HEG1: variants seen among roughly 807,000 people sequenced by gnomAD.
HEG1 encodes the protein heart development protein with EGF like domains 1, also known as protein HEG homolog 1.
A neutral mutation model predicts 125.6 loss-of-function variants in HEG1; 56 were observed. The observed-to-expected ratio is 0.45, with a 90% CI of 0.36 to 0.56. The LOEUF (loss-of-function observed/expected upper bound fraction) is 0.56, where lower values mean the gene tolerates loss of function less well. Among genes scored for constraint, HEG1 ranks in the 20% least tolerant of loss-of-function variants. The pLI, the probability that HEG1 is intolerant of heterozygous loss-of-function variation, is 0.00. For synonymous variants in HEG1, 644 were observed against 668.5 expected, an observed-to-expected ratio of 0.96 and a Z score of 0.57; for missense variants, 1,523 against 1,670.0, an observed-to-expected ratio of 0.91 and a Z score of 1.53.
At chr3:124,988,507 G>T (rs1936779692) in intron 14 of HEG1, among the ~76,000 whole-genome samples, 1 of 152,138 alleles carries the variant, frequency 6.6e-6, no homozygotes, top group Admixed American at 6.5e-5. Flanking sequence ...GATGACTGGG[G>T]TCCATTGGAG....
intron 8 of HEG1, among the ~76,000 whole-genome samples, chr3:125,007,629 C>T (rs2107698576): frequency 6.6e-6 from 1 of 152,280 alleles, no homozygotes; most frequent in Non-Finnish European, 1.5e-5. Context: ...AAATATATTA[C>T]TTTACTTGAT....
chr3:125,055,595 G>T lies in HEG1; in HGVS notation c.296C>A (p.Ala99Asp), dbSNP rs895774702. 14 of 1,205,780 alleles carry T rather than the reference G, an allele frequency of 1.2e-5. No individual in the cohort carries two copies. In the East Asian group the frequency reaches 4.7e-4, roughly 41 times the overall value. The allele number at this position is 1,205,780 out of a possible 1,614,324, so 74.7% of individuals were successfully genotyped here. Residue 99 changes from alanine (A) to aspartate (D), a missense_variant, in exon 1 of 17, where the codon GCC (alanine) becomes GAC (aspartate). By Grantham distance (126) the Ala-to-Asp change is moderately radical. Transcript: ENST00000311127. ...AATQRGPSGR[A>D]PRGGSADAAW... Reference sequence around the variant, plus strand: ...CTCACCCGCGCTCCCGCCTCTGGGGGCCCGGCCGGAGGGTCCCCGCTGTGT... The same window carrying T: ...CTCACCCGCGCTCCCGCCTCTGGGGTCCCGGCCGGAGGGTCCCCGCTGTGT...
chr3:125,017,758 T>A (rs1937272700), intron 5 of HEG1, among the ~76,000 whole-genome samples: 2 of 151,748 alleles, frequency 1.3e-5, no homozygotes, highest in African/African-American at 4.8e-5. Flanking sequence ...TGGTGGCTCA[T>A]GCCTGCAATC....
intron 9 of HEG1, 88 bp downstream of exon 9, chr3:125,005,177 C>G: frequency 1.3e-6 from 1 of 760,992 alleles, no homozygotes; most frequent in Non-Finnish European, 2.2e-6. Flanking sequence ...CCAGGAGACA[C>G]AGCTGACCGC....
intron 12 of HEG1, among the ~76,000 whole-genome samples, chr3:124,991,446 T>C (rs960430856): frequency 4.6e-5 from 7 of 152,226 alleles, no homozygotes; most frequent in African/African-American, 1.2e-4. Context: ...TCGCCATGCC[T>C]AGCCTCAAAT....
chr3:125,028,177 G>A (rs1025861193), intron 2 of HEG1, among the ~76,000 whole-genome samples: 1 of 152,116 alleles, frequency 6.6e-6, no homozygotes, highest in Non-Finnish European at 1.5e-5. Context: ...TTGACTCCAG[G>A]TTCCCTCCAT....
At chr3:124,982,995 A>G (rs770633500) in intron 14 of HEG1, among the ~76,000 whole-genome samples, 3 of 152,208 alleles carry the variant, frequency 2.0e-5, no homozygotes, top group Non-Finnish European at 4.4e-5. Flanking sequence ...ATACAGATAC[A>G]TGGCAAAGAG....
Position 125,055,893 on chromosome 3 carries a change from T to C in HEG1, c.-3A>G. ...CGCGAGGCGCGCGGCGAGGCCATGG[T>C]GACGGCGCCCGCCCGCGCTCACATG... On this transcript the variant is annotated 5_prime_UTR_variant, in exon 1 of 17. Transcript: ENST00000311127. 1 of 978,616 alleles carries C rather than the reference T, an allele frequency of 1.0e-6. No homozygotes were observed. The highest frequency in any genetic ancestry group is 1.2e-6 in the Non-Finnish European group (1 of 827,362). 60.6% of individuals were successfully genotyped at this position (978,616 alleles called of 1,614,324 possible). A position where few individuals can be genotyped will look rare whatever the true frequency, so the allele number is the denominator to read the frequency against.
chr3:124,970,783 G>T lies in HEG1; in HGVS notation c.4015C>A (p.Pro1339Thr), dbSNP rs767415348. Residue 1339 changes from proline (P) to threonine (T), a missense_variant, in exon 17 of 17, where the codon CCA (proline) becomes ACA (threonine). Coordinates refer to ENST00000311127, the MANE Select transcript of HEG1 (RefSeq NM_020733.2). ...TAGAGTCCGTTTCGTTCAAGTTCTG[G>T]ATTCCTTACACTTGTAGGCTGGTTG... ...VYYSPTSVRN[P>T]ELERNGLYPA... is the part of the protein sequence containing the mutation. 3.7e-6 allele frequency: 6 copies of T among 1,609,884 alleles called. No homozygotes were observed. In the East Asian group the frequency reaches 1.3e-4, roughly 36 times the overall value.
At chr3:124,972,616 T>C (rs1161614680) in intron 16 of HEG1, among the ~76,000 whole-genome samples, 1 of 152,164 alleles carries the variant, frequency 6.6e-6, no homozygotes, top group Non-Finnish European at 1.5e-5. Context: ...CTAACACCAT[T>C]AAGTCCCCAT....
chr3:125,009,515 C>A (rs1937119685), intron 8 of HEG1, 190 bp downstream of exon 8: 2 of 451,700 alleles, frequency 4.4e-6, no homozygotes, highest in Non-Finnish European at 3.9e-6. Context: ...ACATCAAAAA[C>A]ATAATGCAAA....
At chr3:125,035,574 T>C (rs930972732) in intron 1 of HEG1, among the ~76,000 whole-genome samples, 1 of 152,160 alleles carries the variant, frequency 6.6e-6, no homozygotes, top group African/African-American at 2.4e-5. Flanking sequence ...GAGAAACATC[T>C]TCAGACTATC....
At position 124,966,320 on chromosome 3, in the gene HEG1, G is replaced by C. The variant is rs1405144384; in HGVS notation, c.*4332C>G. 6.6e-6 allele frequency: 1 copy of C among 152,178 alleles called. No individual in the cohort carries two copies. The highest frequency in any genetic ancestry group is 1.5e-5 in the Non-Finnish European group (1 of 68,030). 9.4% of individuals were successfully genotyped at this position (152,178 alleles called of 1,614,324 possible). A position where few individuals can be genotyped will look rare whatever the true frequency, so the allele number is the denominator to read the frequency against. ...CCTTTGGTTTCATAGGGTTTTCTGT[G>C]AGCAGTTTACACCAGATATGATGGA... is the stretch of plus-strand genomic sequence containing the variant. On this transcript the variant is annotated 3_prime_UTR_variant, in exon 17 of 17. Coordinates refer to ENST00000311127, the MANE Select transcript of HEG1 (RefSeq NM_020733.2).
intron 14 of HEG1, among the ~76,000 whole-genome samples, chr3:124,981,941 C>T (rs1282447967): frequency 5.3e-5 from 8 of 151,624 alleles, no homozygotes; most frequent in South Asian, 2.1e-4. Flanking sequence ...GAGACGGAGT[C>T]GCCCAGGCTG....
chr3:125,021,915 G>A (rs1304838144), intron 3 of HEG1, among the ~76,000 whole-genome samples: 1 of 151,944 alleles, frequency 6.6e-6, no homozygotes, highest in Non-Finnish European at 1.5e-5. Context: ...TACTCCAATG[G>A]GCCCCTCAGA....
At position 124,990,931 on chromosome 3, in the gene HEG1, A is replaced by G; in HGVS notation, c.3695+13T>C. On this transcript the variant is annotated intron_variant, in intron 13 of 16. Transcript: ENST00000311127. ...TTTGTAACAAAATTAGACTAAATCA[A>G]CATGGAGCCTACCTCATGCAGGTTT... The G allele has an allele frequency of 1.9e-6, 3 of 1,557,376 alleles. No individual in the cohort carries two copies. The highest frequency in any genetic ancestry group is 8.7e-7 in the Non-Finnish European group (1 of 1,149,152).
intron 1 of HEG1, among the ~76,000 whole-genome samples, chr3:125,034,717 T>A (rs1560032695): frequency 6.6e-6 from 1 of 152,130 alleles, no homozygotes; most frequent in Non-Finnish European, 1.5e-5. Flanking sequence ...GAAGGATTGC[T>A]TGAGCCCGAG....
At chr3:125,034,684 C>T (rs1409060229) in intron 1 of HEG1, among the ~76,000 whole-genome samples, 2 of 151,940 alleles carry the variant, frequency 1.3e-5, no homozygotes, top group African/African-American at 2.4e-5. Context: ...CCGGTGGTCC[C>T]AGCTACTTGG....
intron 1 of HEG1, among the ~76,000 whole-genome samples, chr3:125,039,332 C>T (rs921685758): frequency 3.3e-5 from 5 of 152,156 alleles, no homozygotes; most frequent in African/African-American, 1.2e-4. Context: ...CCTTGCCACC[C>T]CCCACTCCCT....
Sources: allele counts gnomAD v4.1 joint callset (sites outside exome capture counted in the v4.1 genomes callset), GRCh38; gene constraint gnomAD v4.1.1; transcripts MANE v1.5; gene names NCBI Gene and HGNC (gene_info 2026-07-23, HGNC 2026-07-21).